CCR3: variants seen among roughly 807,000 people sequenced by gnomAD.
CCR3 encodes C-C chemokine receptor type 3.
For missense variants in CCR3, 419 were observed against 437.5 expected (o/e 0.96, Z 0.38); for synonymous variants, 203 against 179.2 (o/e 1.13, Z -1.06).
intron 1 of CCR3, among the ~76,000 whole-genome samples, chr3:46,257,865 A>T (rs1472752154): frequency 6.6e-6 from 1 of 152,198 alleles, no homozygotes; most frequent in African/African-American, 2.4e-5. Context: ...AGAGAAGCCA[A>T]TGTTGTAACT....
chr3:46,245,268 G>A (rs1368946975), intron 1 of CCR3, among the ~76,000 whole-genome samples: 1 of 150,938 alleles, frequency 6.6e-6, no homozygotes, highest in Non-Finnish European at 1.5e-5. Flanking sequence ...CAGGGAAGAA[G>A]CTCACTGGCT....
upstream of CCR3, chr3:46,242,458 G>A (rs1700099476): frequency 6.6e-6 from 1 of 152,140 alleles, no homozygotes; most frequent in South Asian, 2.1e-4. Flanking sequence ...AAATTAGCAG[G>A]TACCACTGGT....
intron 1 of CCR3, among the ~76,000 whole-genome samples, chr3:46,245,342 C>T (rs1257497893): frequency 6.7e-6 from 1 of 148,816 alleles, no homozygotes; most frequent in Admixed American, 6.8e-5. Flanking sequence ...TATCTAGTAT[C>T]CTCCAAGGTC....
At chr3:46,252,799 A>T (rs975874495) in intron 1 of CCR3, among the ~76,000 whole-genome samples, 1 of 152,164 alleles carries the variant, frequency 6.6e-6, no homozygotes, top group Non-Finnish European at 1.5e-5. Context: ...TGTGTTTGCC[A>T]TTCATGGTGA....
intron 2 of CCR3, among the ~76,000 whole-genome samples, chr3:46,233,473 T>C (rs781505021): frequency 4.8e-4 from 73 of 152,284 alleles, no homozygotes; most frequent in Non-Finnish European, 9.6e-4. Flanking sequence ...TCTTTGCTTT[T>C]CCCCTCCCAT....
At chr3:46,222,254 C>T (rs34005848) in intron 2 of CCR3, among the ~76,000 whole-genome samples, 9,352 of 152,154 alleles carry the variant, frequency 0.061, 481 homozygotes, top group South Asian at 0.25. Context: ...TCCTGGATGG[C>T]CATGGTGGAG....
intron 1 of CCR3, among the ~76,000 whole-genome samples, chr3:46,251,143 GT>G (rs1700301052): frequency 6.6e-6 from 1 of 152,038 alleles, no homozygotes; most frequent in African/African-American, 2.4e-5. Flanking sequence ...TCCCAGAAAA[GT>G]GGGACTTGCT....
At chr3:46,233,898 T>C (rs1699995454) in intron 2 of CCR3, among the ~76,000 whole-genome samples, 1 of 152,186 alleles carries the variant, frequency 6.6e-6, no homozygotes, top group Admixed American at 6.5e-5. Context: ...TGCCCTTCAC[T>C]CTCTGTGGCT....
chr3:46,258,863 T>C (rs1188503360), intron 1 of CCR3, among the ~76,000 whole-genome samples: 1 of 152,136 alleles, frequency 6.6e-6, no homozygotes, highest in Non-Finnish European at 1.5e-5. Context: ...ACCAACCTAC[T>C]TAAGAGCCAA....
intron 2 of CCR3, among the ~76,000 whole-genome samples, chr3:46,222,112 C>G (rs1699844312): frequency 6.6e-6 from 1 of 152,226 alleles, no homozygotes; most frequent in Non-Finnish European, 1.5e-5. Context: ...GCGTGACACT[C>G]TCCACATCAA....
intron 2 of CCR3, among the ~76,000 whole-genome samples, chr3:46,229,094 C>T (rs542472435): frequency 6.6e-6 from 1 of 152,218 alleles, no homozygotes; most frequent in East Asian, 1.9e-4. Flanking sequence ...CTTGCATGTG[C>T]GTGTGGTCAT....
At chr3:46,228,734 G>C (rs1341504808) in intron 2 of CCR3, among the ~76,000 whole-genome samples, 2 of 152,220 alleles carry the variant, frequency 1.3e-5, no homozygotes, top group Non-Finnish European at 2.9e-5. Flanking sequence ...AAACATGGTG[G>C]GTCATATAAT....
At chr3:46,236,854 G>A (rs904734134) in intron 2 of CCR3, among the ~76,000 whole-genome samples, 1 of 152,232 alleles carries the variant, frequency 6.6e-6, no homozygotes, top group Non-Finnish European at 1.5e-5. Context: ...GAGGGAAAGG[G>A]GAGTGGGTGT....
intron 2 of CCR3, among the ~76,000 whole-genome samples, chr3:46,219,126 A>G (rs1220539698): frequency 6.6e-6 from 1 of 152,230 alleles, no homozygotes; most frequent in Non-Finnish European, 1.5e-5. Context: ...GGAATTCAGT[A>G]AAGTTTCAGG....
chr3:46,265,820 G>A lies in CCR3; in HGVS notation c.662G>A (p.Gly221Glu). 1 of 1,613,872 alleles carries A rather than the reference G, an allele frequency of 6.2e-7. No individual in the cohort carries two copies. Among genetic ancestry groups the A allele is most frequent in the Middle Eastern group, 1.7e-4 (1 of 6,054 alleles). Residue 221 changes from glycine to glutamate, a missense_variant, in exon 2 of 2, where the codon GGA becomes GAA. Transcript: ENST00000395940. ...PLLVMAICYTGIIKTLLRCPS... is the reference protein window; with the variant it reads ...PLLVMAICYTEIIKTLLRCPS... ...CTCGTTATGGCCATCTGCTACACAG[G>A]AATCATCAAAACGCTGCTGAGGTGC...
rs201274368 is a variant in CCR3 at position 46,265,515 on chromosome 3, C to G, written c.357C>G (p.Ser119Arg). The G allele has an allele frequency of 6.8e-6, 11 of 1,613,968 alleles. No individual in the cohort carries two copies. The highest frequency in any genetic ancestry group is 1.6e-4 in the Middle Eastern group (1 of 6,084). The change falls in exon 2 of 2, where the codon AGC (serine) becomes AGG (arginine). Residue 119 changes from serine (S) to arginine (R), a missense_variant. Coordinates refer to ENST00000395940, the MANE Select transcript of CCR3 (RefSeq NM_178329.3). The part of the protein sequence containing the change: ...LSGFYHTGLY[S>R]EIFFIILLTI... ...GGTTTTATCACACAGGCTTGTACAGCGAGATCTTTTTCATAATCCTGCTGA... is the reference window on the plus strand; with the variant it reads ...GGTTTTATCACACAGGCTTGTACAGGGAGATCTTTTTCATAATCCTGCTGA...
At chr3:46,225,911 C>G (rs931975323) in intron 2 of CCR3, among the ~76,000 whole-genome samples, 2 of 152,134 alleles carry the variant, frequency 1.3e-5, no homozygotes, top group Non-Finnish European at 2.9e-5. Flanking sequence ...TACGAATGTA[C>G]AATTCCTCAA....
chr3:46,248,579 G>A (rs1340497263), intron 1 of CCR3, among the ~76,000 whole-genome samples: 3 of 152,140 alleles, frequency 2.0e-5, no homozygotes, highest in Non-Finnish European at 4.4e-5. Context: ...TCAGCAGGGA[G>A]AGCACGTGTG....
chr3:46,235,671 C>G (rs777564009), intron 2 of CCR3, among the ~76,000 whole-genome samples: 2 of 152,190 alleles, frequency 1.3e-5, no homozygotes, highest in Non-Finnish European at 2.9e-5. Context: ...GCGTTGAGGA[C>G]CAGATGTTTT....
Sources: gnomAD v4.1 joint callset for allele counts (sites outside exome capture counted in the v4.1 genomes callset) on GRCh38, gnomAD v4.1.1 for gene constraint, MANE v1.5 for transcripts, NCBI Gene and HGNC (gene_info 2026-07-23, HGNC 2026-07-21) for gene names.